Variants in CEP97 observed in about 807,000 individuals in gnomAD.
CEP97 encodes the protein centrosomal protein of 97 kDa.
A neutral mutation model predicts 73.1 loss-of-function variants in CEP97; 43 were observed. The ratio of observed to expected loss-of-function variants is 0.59; its 90% CI spans 0.46 to 0.76. The LOEUF is 0.76. Ranked by LOEUF, CEP97 falls within the 30% of genes least tolerant of loss-of-function variation. CEP97 has a pLI of 0.00. For synonymous variants in CEP97, 337 were observed against 370.0 expected (o/e 0.91, Z 1.02); for missense variants, 939 against 1,014.0 (o/e 0.93, Z 1.00).
chr3:101,763,060 A>C (rs1250160135), intron 10 of CEP97: 12 of 1,229,260 alleles, frequency 9.8e-6, no homozygotes, highest in Non-Finnish European at 1.3e-5. Flanking sequence ...TCTTGATGAT[A>C]ATTTCTTGAA....
At chr3:101,742,577 C>G (rs148166119) in intron 6 of CEP97, among the ~76,000 whole-genome samples, 13 of 152,018 alleles carry the variant, frequency 8.6e-5, no homozygotes, top group African/African-American at 3.1e-4. Flanking sequence ...CATCACACAC[C>G]AGGGCCTGTT....
intron 6 of CEP97, among the ~76,000 whole-genome samples, chr3:101,751,570 A>G (rs1212906351): frequency 2.6e-5 from 4 of 152,230 alleles, no homozygotes; most frequent in South Asian, 2.1e-4. Flanking sequence ...AGGTCACTAA[A>G]GACTTGCTTT....
intron 6 of CEP97, among the ~76,000 whole-genome samples, chr3:101,744,910 T>C (rs1245731630): frequency 2.0e-5 from 3 of 152,236 alleles, no homozygotes. Context: ...GTTAAAGTTC[T>C]CCATTATGAA....
intron 6 of CEP97, among the ~76,000 whole-genome samples, chr3:101,740,147 A>G (rs922908404): frequency 2.6e-5 from 4 of 152,186 alleles, no homozygotes; most frequent in African/African-American, 9.6e-5. Context: ...AGAGAAAGAA[A>G]TAAAGGGTAT....
Position 101,757,115 on chromosome 3 carries a change from C to G in CEP97, c.946C>G (p.Leu316Val). 6.2e-7 allele frequency: 1 copy of G among 1,613,518 alleles called. No homozygotes were observed. Among genetic ancestry groups the G allele is most frequent in the Non-Finnish European group, 8.5e-7 (1 of 1,179,812 alleles). ...NQSQNEELSP[L>V]VPVETRASLI... The stretch of plus-strand genomic sequence containing the variant: ...AAGCCAAAATGAAGAGTTGTCTCCT[C>G]TTGTTCCTGTTGAAACAAGGGCATC... The change falls in exon 8 of 11, where the codon CTT becomes GTT. Residue 316 changes from leucine (L) to valine (V), a missense_variant. By Grantham distance (32) the Leu-to-Val change is conservative. Transcript: ENST00000341893.
In CEP97 at chr3:101,765,838, G is replaced by C. The variant is rs145590054; in HGVS notation, c.*287G>C. On this transcript the variant is annotated 3_prime_UTR_variant, in exon 11 of 11. Transcript: ENST00000341893. ...TCAACAATGTTCCTGTTTCTTTCAT[G>C]TACTCATTTACTTTCAAAAATAAGC... 4.2e-6 allele frequency: 1 copy of C among 237,610 alleles called. No homozygotes were observed. The highest frequency in any genetic ancestry group is 8.7e-5 in the East Asian group (1 of 11,552). The allele number at this position is 237,610 out of a possible 1,614,324, so 14.7% of individuals were successfully genotyped here.
chr3:101,763,382 C>A (rs1053899903), intron 10 of CEP97, among the ~76,000 whole-genome samples: 1 of 151,270 alleles, frequency 6.6e-6, no homozygotes, highest in Admixed American at 6.6e-5. Flanking sequence ...GAAAGATCTC[C>A]AAAATAATAC....
At chr3:101,737,100 A>G (rs1938304148) in intron 6 of CEP97, among the ~76,000 whole-genome samples, 1 of 152,246 alleles carries the variant, frequency 6.6e-6, no homozygotes, top group African/African-American at 2.4e-5. Flanking sequence ...CAGAGATTGA[A>G]GATCAACTTA....
At chr3:101,764,774 C>A (rs1375727353) in intron 10 of CEP97, 73 bp from the exon 11 acceptor site, 11 of 1,362,914 alleles carry the variant, frequency 8.1e-6, no homozygotes, top group Non-Finnish European at 1.1e-5. Context: ...CAGAGCGAGA[C>A]CCTGTCTCAA....
At position 101,770,016 on chromosome 3, in the gene CEP97, A is replaced by ATTTTCTTTTCT. The variant is rs201084233; in HGVS notation, c.*4481_*4491dup. On this transcript the variant is annotated 3_prime_UTR_variant, in exon 11 of 11. Coordinates refer to ENST00000341893, the MANE Select transcript of CEP97 (RefSeq NM_024548.4). ...GAATCACTCTGTAGTAGTTGTGTTCATTTTCTTTTCTTTTTCTTTTCTTTT... is the reference window on the plus strand; with the variant it reads ...GAATCACTCTGTAGTAGTTGTGTTCATTTTCTTTTCTTTTTCTTTTCTTTTTCTTTTCTTTT... The ATTTTCTTTTCT allele has an allele frequency of 6.6e-6, 1 of 151,738 alleles. No homozygotes were observed. Among genetic ancestry groups the ATTTTCTTTTCT allele is most frequent in the Admixed American group, 6.6e-5 (1 of 15,202 alleles). The allele number at this position is 151,738 out of a possible 1,614,324, so 9.4% of individuals were successfully genotyped here.
chr3:101,731,327 A>G (rs1435067769), intron 4 of CEP97, among the ~76,000 whole-genome samples: 1 of 150,246 alleles, frequency 6.7e-6, no homozygotes, highest in Non-Finnish European at 1.5e-5. Flanking sequence ...CAGCCTCCCC[A>G]GTAGCTGGAA....
chr3:101,733,354 A>G (rs1340710607), intron 6 of CEP97, among the ~76,000 whole-genome samples: 1 of 151,942 alleles, frequency 6.6e-6, no homozygotes, highest in Non-Finnish European at 1.5e-5. Context: ...TTTTTTATTC[A>G]TTTTATTTTC....
At chr3:101,727,616 T>A in intron 3 of CEP97, 75 bp downstream of exon 3, 1 of 1,403,180 alleles carries the variant, frequency 7.1e-7, no homozygotes, top group Non-Finnish European at 9.7e-7. Context: ...TAAGTCAAAT[T>A]AAAAAGTGAA....
At chr3:101,745,840 GGTGT>G (rs1938596580) in intron 6 of CEP97, among the ~76,000 whole-genome samples, 1 of 151,744 alleles carries the variant, frequency 6.6e-6, no homozygotes, top group African/African-American at 2.4e-5. Flanking sequence ...GTGCCATGCT[GGTGT>G]GCTACACCCA....
At chr3:101,753,709 G>T (rs1477798576) in intron 6 of CEP97, among the ~76,000 whole-genome samples, 4 of 152,178 alleles carry the variant, frequency 2.6e-5, no homozygotes, top group East Asian at 1.9e-4. Context: ...CTCCGAGCCA[G>T]GTGCGGGATA....
intron 6 of CEP97, among the ~76,000 whole-genome samples, chr3:101,743,774 C>G (rs762679471): frequency 1.3e-5 from 2 of 151,816 alleles, no homozygotes; most frequent in Admixed American, 1.3e-4. Flanking sequence ...GAGGCCAAGG[C>G]GGGAGGATCA....
rs1049335365 is a variant in CEP97, at chr3:101,765,687, T to C, written c.*136T>C. The C allele has an allele frequency of 1.5e-6, 1 of 668,124 alleles. No homozygotes were observed. Among genetic ancestry groups the C allele is most frequent in the African/African-American group, 1.8e-5 (1 of 54,894 alleles). 41.4% of individuals were successfully genotyped at this position (668,124 alleles called of 1,614,324 possible). On this transcript the variant is annotated 3_prime_UTR_variant, in exon 11 of 11. Transcript: ENST00000341893. ...ATATAGAATTTGTATTCATGTCTTA[T>C]ATTTTTCAGATTCTAGATATTGAGC...
chr3:101,747,725 C>T (rs1216370143), intron 6 of CEP97, among the ~76,000 whole-genome samples: 1 of 149,496 alleles, frequency 6.7e-6, no homozygotes, highest in African/African-American at 2.5e-5. Context: ...AGAGACAGAG[C>T]AGGTTGTTTT....
intron 4 of CEP97, among the ~76,000 whole-genome samples, chr3:101,731,317 C>T (rs1938102987): frequency 6.6e-6 from 1 of 151,164 alleles, no homozygotes; most frequent in African/African-American, 2.4e-5. Flanking sequence ...CCCCCTACCT[C>T]AGCCTCCCCA....
Sources: gnomAD v4.1 joint callset for allele counts (sites outside exome capture counted in the v4.1 genomes callset) on GRCh38, gnomAD v4.1.1 for gene constraint, MANE v1.5 for transcripts, NCBI Gene and HGNC (gene_info 2026-07-23, HGNC 2026-07-21) for gene names.